The following MON2 variants were observed in gnomAD, a reference collection of about 807,000 sequenced individuals.
The protein encoded by MON2 is MON2 regulator of endosome-to-Golgi trafficking.
Under a neutral mutation model 208.6 loss-of-function variants are expected in MON2, and 84 were observed. That is an observed-to-expected ratio of 0.40 (90% CI 0.34 to 0.48). The LOEUF (loss-of-function observed/expected upper bound fraction) is 0.48, where lower values mean the gene tolerates loss of function less well. Ranked by LOEUF, MON2 falls within the 20% of genes least tolerant of loss-of-function variation. The probability of loss-of-function intolerance (pLI) is 0.59; values close to 1 mark genes in which losing one functional copy is unlikely to be tolerated. For missense variants in MON2, 1,611 were observed against 2,015.4 expected, an observed-to-expected ratio of 0.80 and a Z score of 3.84; for synonymous variants, 660 against 694.0, an observed-to-expected ratio of 0.95 and a Z score of 0.77.
chr12:62,536,002 G>A (rs2072949688), intron 14 of MON2, among the ~76,000 whole-genome samples: 1 of 151,896 alleles, frequency 6.6e-6, no homozygotes, highest in African/African-American at 2.4e-5. Flanking sequence ...GGTATATAAT[G>A]CAAACATAAG....
chr12:62,564,450 A>T (rs1306625136), intron 26 of MON2, among the ~76,000 whole-genome samples: 1 of 151,988 alleles, frequency 6.6e-6, no homozygotes, highest in Non-Finnish European at 1.5e-5. Flanking sequence ...TCATGGAGAA[A>T]AATGAAGACT....
At chr12:62,570,210 A>G (rs956698699) in intron 29 of MON2, among the ~76,000 whole-genome samples, 4 of 152,288 alleles carry the variant, frequency 2.6e-5, no homozygotes, top group Admixed American at 6.5e-5. Flanking sequence ...AGAAGTCACT[A>G]TACTTAGTCA....
intron 26 of MON2, among the ~76,000 whole-genome samples, chr12:62,562,607 A>G (rs2074240011): frequency 6.6e-6 from 1 of 152,110 alleles, no homozygotes; most frequent in Non-Finnish European, 1.5e-5. Flanking sequence ...TGTATATTTT[A>G]TTATCAGAGT....
At position 62,593,739 on chromosome 12, in the gene MON2, C is replaced by T. The variant is rs146695704; in HGVS notation, c.*990C>T. On this transcript the variant is annotated 3_prime_UTR_variant, in exon 35 of 35. Transcript: ENST00000393630. ...TTTGTCACTGTCTTTGAATTATGACCCAGGCAAGATGATTTCAGATTTTCT... is the reference window on the plus strand; with the variant it reads ...TTTGTCACTGTCTTTGAATTATGACTCAGGCAAGATGATTTCAGATTTTCT... 25 of 152,132 alleles carry T rather than the reference C, an allele frequency of 1.6e-4. No individual in the cohort carries two copies. The highest frequency in any genetic ancestry group is 5.5e-4 in the African/African-American group (23 of 41,468). 9.4% of individuals were successfully genotyped at this position (152,132 alleles called of 1,614,324 possible).
At chr12:62,478,398 A>G (rs1054707085) in intron 1 of MON2, among the ~76,000 whole-genome samples, 4 of 152,236 alleles carry the variant, frequency 2.6e-5, no homozygotes, top group Admixed American at 1.3e-4. Context: ...TTCAGTAGTT[A>G]CCGTAGAAGA....
At position 62,477,663 on chromosome 12, in the gene MON2, G is replaced by A. The variant is rs537396028; in HGVS notation, c.112-6507G>A. ...GCTCTGAGGCTCAAGCGATCCTCTC[G>A]CCTTGACCTCCCAAAGTGCTGGGAT... On this transcript the variant is annotated intron_variant, in intron 1 of 34. Coordinates refer to ENST00000393630, the MANE Select transcript of MON2 (RefSeq NM_015026.3). Among the ~76,000 whole-genome samples, 163 of 149,558 alleles carry A rather than the reference G, an allele frequency of 1.1e-3. 1 individual carries two copies. Among genetic ancestry groups the A allele is most frequent in the Non-Finnish European group, 2.0e-3 (136 of 67,766 alleles).
Position 62,467,298 on chromosome 12 carries a change from A to G in MON2, c.91A>G (p.Lys31Glu). ...CGCCTTGTCACTGGAGTGCAAGAAG[A>G]AATTCCCACCTGTCAAAGAGGTAAG... ...LRALSLECKK[K>E]FPPVKEAAES... Residue 31 changes from lysine to glutamate, a missense_variant, in exon 1 of 35, where the codon AAA (lysine) becomes GAA (glutamate). By Grantham distance (56) the Lys-to-Glu change is moderately conservative. Coordinates refer to ENST00000393630, the MANE Select transcript of MON2 (RefSeq NM_015026.3). The G allele has an allele frequency of 6.2e-7, 1 of 1,614,038 alleles. No individual in the cohort carries two copies.
intron 8 of MON2, among the ~76,000 whole-genome samples, chr12:62,518,346 T>A (rs7965328): frequency 0.13 from 19,280 of 152,188 alleles, 1,348 homozygotes; most frequent in East Asian, 0.27. Context: ...TACAGCCCTA[T>A]GAAGCAGACA....
chr12:62,506,489 T>C (rs2071104279), intron 7 of MON2, among the ~76,000 whole-genome samples: 1 of 152,154 alleles, frequency 6.6e-6, no homozygotes, highest in Non-Finnish European at 1.5e-5. Flanking sequence ...CACAGCGCTT[T>C]GGGAGGAGGC....
intron 26 of MON2, among the ~76,000 whole-genome samples, chr12:62,562,341 T>A (rs1565688940): frequency 6.6e-6 from 1 of 152,054 alleles, no homozygotes; most frequent in African/African-American, 2.4e-5. Context: ...GTTTTATTTT[T>A]AAAAAACTCT....
chr12:62,592,630 T>C lies in MON2; in HGVS notation c.5035T>C (p.Leu1679=). The C allele has an allele frequency of 6.2e-7, 1 of 1,611,490 alleles. No homozygotes were observed. Among genetic ancestry groups the C allele is most frequent in the Non-Finnish European group, 8.5e-7 (1 of 1,178,016 alleles). The change falls in exon 35 of 35, where the codon TTA becomes CTA. Residue 1679 remains leucine (L), a synonymous_variant. Transcript: ENST00000393630. ...ACAAGTAATTGCCTTATACCCAACT[T>C]TAGTAGAATGCATCACCTGTTCTTC... ...WAQVIALYPT[L]VECITCSSSE... is the part of the protein sequence containing the mutation.
At chr12:62,507,315 C>CT (rs112565800) in intron 7 of MON2, among the ~76,000 whole-genome samples, 16,915 of 142,702 alleles carry the variant, frequency 0.12, 1,218 homozygotes, top group Middle Eastern at 0.26. Context: ...TTTTCTTTTT[C>CT]TTTTTTTTTT....
At chr12:62,524,483 A>G (rs772005882) in intron 8 of MON2, 32 bp from the exon 9 acceptor site, 11 of 1,544,660 alleles carry the variant, frequency 7.1e-6, no homozygotes, top group South Asian at 1.1e-5. Context: ...CTTTGATTCA[A>G]AGAAATAGTA....
chr12:62,517,552 G>C (rs1156379588), intron 8 of MON2, among the ~76,000 whole-genome samples: 1 of 152,148 alleles, frequency 6.6e-6, no homozygotes, highest in African/African-American at 2.4e-5. Context: ...GATGGGATTA[G>C]TTCCCTCATA....
chr12:62,491,749 T>C (rs1490091167), intron 2 of MON2, among the ~76,000 whole-genome samples: 1 of 152,182 alleles, frequency 6.6e-6, no homozygotes, highest in East Asian at 1.9e-4. Flanking sequence ...GATGCTAAAA[T>C]GAGAAACATA....
At chr12:62,553,257 TA>T (rs1193036732) in intron 24 of MON2, 83 bp downstream of exon 24, 14 of 1,270,866 alleles carry the variant, frequency 1.1e-5, no homozygotes, top group Non-Finnish European at 1.4e-5. Context: ...TTATTTCTTT[TA>T]ATTTTTAAAG....
Position 62,560,924 on chromosome 12 carries a change from A to G in MON2, c.3843A>G (p.Pro1281=). 1 of 1,613,904 alleles carries G rather than the reference A, an allele frequency of 6.2e-7. No homozygotes were observed. The highest frequency in any genetic ancestry group is 8.5e-7 in the Non-Finnish European group (1 of 1,179,806). The part of the protein sequence containing the change: ...PFLTALIQIF[P]ALYQHIKTGF... ...TTACAGCTTTAATTCAGATATTTCC[A>G]GCTCTCTACCAACACATAAAAACTG... Residue 1281 remains proline, a synonymous_variant, in exon 26 of 35, where the codon CCA becomes CCG. Coordinates refer to ENST00000393630, the MANE Select transcript of MON2 (RefSeq NM_015026.3).
chr12:62,534,836 TC>T lies in MON2; in HGVS notation c.1634-7del, dbSNP rs781482806. Reference sequence around the variant, plus strand: ...TAAAATTAAATATTGTATGTTTTTTTCCTTTAAGTTAGTAGGGCTGTTTGGG... The same window carrying T: ...TAAAATTAAATATTGTATGTTTTTTTCTTTAAGTTAGTAGGGCTGTTTGGG... On this transcript the variant is annotated splice_polypyrimidine_tract_variant and splice_region_variant and intron_variant, in intron 12 of 34. Coordinates refer to ENST00000393630, the MANE Select transcript of MON2 (RefSeq NM_015026.3). 6.3e-7 allele frequency: 1 copy of T among 1,599,136 alleles called. No homozygotes were observed.
chr12:62,560,851 C>T lies in MON2; in HGVS notation c.3770C>T (p.Pro1257Leu). 1 of 1,614,056 alleles carries T rather than the reference C, an allele frequency of 6.2e-7. No homozygotes were observed. The highest frequency in any genetic ancestry group is 8.5e-7 in the Non-Finnish European group (1 of 1,179,988). ...AGAATTGGATCTGAAAGTACTAAGC[C>T]TCCTATTACTTTTGATAAACTAACT... ...WYRIGSESTK[P>L]PITFDKLTFI... Residue 1257 changes from proline (P) to leucine (L), a missense_variant, in exon 26 of 35, where the codon CCT becomes CTT. Pro to Leu is a moderately conservative substitution (Grantham distance 98). Coordinates refer to ENST00000393630, the MANE Select transcript of MON2 (RefSeq NM_015026.3).
Sources: allele counts gnomAD v4.1 joint callset (sites outside exome capture counted in the v4.1 genomes callset), GRCh38; gene constraint gnomAD v4.1.1; transcripts MANE v1.5; gene names NCBI Gene and HGNC (gene_info 2026-07-23, HGNC 2026-07-21).